Variants in PSD3 observed in about 807,000 individuals in gnomAD.
The protein encoded by PSD3 is pleckstrin and Sec7 domain containing 3, also known as PH and SEC7 domain-containing protein 3.
In PSD3, 49 loss-of-function variants were observed where a neutral mutation model predicts 105.5. That is an observed-to-expected ratio of 0.46 (90% CI 0.37 to 0.59). The LOEUF is 0.59. PSD3 is among the 20% of genes least tolerant of loss of function. The pLI, the probability that PSD3 is intolerant of heterozygous loss-of-function variation, is 0.00. For synonymous variants in PSD3, 557 were observed against 457.8 expected, an observed-to-expected ratio of 1.22 and a Z score of -2.77; for missense variants, 1,561 against 1,263.8, an observed-to-expected ratio of 1.24 and a Z score of -3.57.
chr8:18,629,180 A>T (rs1041306775), intron 11 of PSD3, among the ~76,000 whole-genome samples: 6 of 151,980 alleles, frequency 3.9e-5, no homozygotes, highest in Admixed American at 1.3e-4. Flanking sequence ...CAAAATAAGG[A>T]ATATAACCAG....
intron 3 of PSD3, among the ~76,000 whole-genome samples, chr8:18,870,528 C>T (rs936965287): frequency 2.0e-5 from 3 of 151,954 alleles, no homozygotes; most frequent in Non-Finnish European, 2.9e-5. Flanking sequence ...CGGGCCCTGT[C>T]GGGGTGTTGG....
At chr8:18,930,815 G>T (rs1308290159) in intron 2 of PSD3, among the ~76,000 whole-genome samples, 1 of 151,926 alleles carries the variant, frequency 6.6e-6, no homozygotes, top group Non-Finnish European at 1.5e-5. Context: ...TGATCTGCCC[G>T]ACTTGGCCTC....
At position 18,550,929 on chromosome 8, in the gene PSD3, C is replaced by G. The variant is rs572198453; in HGVS notation, c.2928+5280G>C. On this transcript the variant is annotated intron_variant, in intron 15 of 15. Coordinates refer to ENST00000327040, the MANE Select transcript of PSD3 (RefSeq NM_015310.4). Reference sequence around the variant, plus strand: ...TTTGATTCCACGCTAGACTGACTTACTAAGATTGAGACTTTTGCTACTAAT... The same window carrying G: ...TTTGATTCCACGCTAGACTGACTTAGTAAGATTGAGACTTTTGCTACTAAT... Among the ~76,000 whole-genome samples, 8 of 152,324 alleles carry G rather than the reference C, an allele frequency of 5.3e-5. No individual in the cohort carries two copies. The East Asian group carries it at 1.2e-3, about 22-fold the overall frequency.
intron 13 of PSD3, among the ~76,000 whole-genome samples, chr8:18,573,297 C>T (rs1802263703): frequency 1.3e-5 from 2 of 152,136 alleles, no homozygotes; most frequent in Admixed American, 1.3e-4. Context: ...TGGTGAAACC[C>T]CATCTGTACT....
rs1218994876 is a variant in PSD3 at position 18,804,690 on chromosome 8, G to A, written c.1829+14C>T. On this transcript the variant is annotated intron_variant, in intron 5 of 15. Transcript: ENST00000327040. ...AGGAGAGAATTCAGACTCCAGCAAT[G>A]GGTCAGAACGTACTTCTTGCCAAGG... The A allele has an allele frequency of 1.9e-6, 3 of 1,612,548 alleles. No homozygotes were observed. Among genetic ancestry groups the A allele is most frequent in the African/African-American group, 1.3e-5 (1 of 74,836 alleles).
rs188397933 is a variant in PSD3 at position 18,768,431 on chromosome 8, T to C, written c.2083-2893A>G. Among the ~76,000 whole-genome samples the C allele has an allele frequency of 8.5e-5, 13 of 152,096 alleles. No homozygotes were observed. In the East Asian group the frequency reaches 2.5e-3, roughly 30 times the overall value. ...GACTAGCCTGGGTAACATCCCTCTCTAGAAACAATATGAAAATTAGCTGGG... is the reference window on the plus strand; with the variant it reads ...GACTAGCCTGGGTAACATCCCTCTCCAGAAACAATATGAAAATTAGCTGGG... On this transcript the variant is annotated intron_variant, in intron 8 of 15. Coordinates refer to ENST00000327040, the MANE Select transcript of PSD3 (RefSeq NM_015310.4).
At chr8:18,598,576 A>G (rs1331321349) in intron 12 of PSD3, among the ~76,000 whole-genome samples, 2 of 152,152 alleles carry the variant, frequency 1.3e-5, no homozygotes, top group African/African-American at 2.4e-5. Context: ...GATGCAGGAA[A>G]GCGATGATAT....
chr8:18,704,326 G>A (rs369379397), intron 9 of PSD3, among the ~76,000 whole-genome samples: 16 of 152,224 alleles, frequency 1.1e-4, no homozygotes, highest in African/African-American at 3.4e-4. Flanking sequence ...CTTAAACTCC[G>A]TGTATAAAGG....
At position 18,736,237 on chromosome 8, in the gene PSD3, A is replaced by T. The variant is rs543474207; in HGVS notation, c.2172+29212T>A. Reference sequence around the variant, plus strand: ...ATCCAATCAACACTCTAGCTCTGCCACTTACTGTGAAATTGAAGGCAAGAC... The same window carrying T: ...ATCCAATCAACACTCTAGCTCTGCCTCTTACTGTGAAATTGAAGGCAAGAC... On this transcript the variant is annotated intron_variant, in intron 9 of 15. Coordinates refer to ENST00000327040, the MANE Select transcript of PSD3 (RefSeq NM_015310.4). Among the ~76,000 whole-genome samples, 12 of 152,296 alleles carry T rather than the reference A, an allele frequency of 7.9e-5. No individual in the cohort carries two copies. The South Asian group carries it at 2.5e-3, about 32-fold the overall frequency.
At chr8:18,944,291 C>T (rs1169132639) in intron 1 of PSD3, among the ~76,000 whole-genome samples, 1 of 152,180 alleles carries the variant, frequency 6.6e-6, no homozygotes, top group African/African-American at 2.4e-5. Context: ...TTAAGCCAGC[C>T]AGGCATGGTG....
intron 2 of PSD3, among the ~76,000 whole-genome samples, chr8:18,902,063 T>G (rs1330155106): frequency 2.0e-5 from 3 of 152,232 alleles, no homozygotes; most frequent in African/African-American, 7.2e-5. Context: ...TTGGAGACTT[T>G]TGAGATTCCT....
intron 14 of PSD3, among the ~76,000 whole-genome samples, chr8:18,562,827 T>C (rs1045210793): frequency 9.9e-5 from 15 of 151,880 alleles, no homozygotes; most frequent in Non-Finnish European, 1.5e-5. Flanking sequence ...AGGCGGAGGT[T>C]GCAGGGAGCC....
In PSD3 at chr8:18,533,720, C is replaced by T. The variant is rs1799720831; in HGVS notation, c.*2023G>A. 6.6e-6 allele frequency: 1 copy of T among 152,012 alleles called. No individual in the cohort carries two copies. Among genetic ancestry groups the T allele is most frequent in the African/African-American group, 2.4e-5 (1 of 41,374 alleles). 9.4% of individuals were successfully genotyped at this position (152,012 alleles called of 1,614,324 possible). A position where few individuals can be genotyped will look rare whatever the true frequency, so the allele number is the denominator to read the frequency against. On this transcript the variant is annotated 3_prime_UTR_variant, in exon 16 of 16. Coordinates refer to ENST00000327040, the MANE Select transcript of PSD3 (RefSeq NM_015310.4). ...CCTCGGCTTAGTATAAACATTTAGG[C>T]AGAAAACAAATATCCTGATAATTTA... is the stretch of plus-strand genomic sequence containing the variant.
chr8:18,846,057 T>G (rs920152533), intron 4 of PSD3, among the ~76,000 whole-genome samples: 1 of 152,194 alleles, frequency 6.6e-6, no homozygotes, highest in Non-Finnish European at 1.5e-5. Flanking sequence ...GTATATTAAA[T>G]GCTTATCAAT....
chr8:18,915,785 T>C (rs1379893408), intron 2 of PSD3, among the ~76,000 whole-genome samples: 3 of 152,058 alleles, frequency 2.0e-5, no homozygotes, highest in Non-Finnish European at 2.9e-5. Flanking sequence ...TGGAAAAGTA[T>C]GGAAGTTCCT....
intron 8 of PSD3, among the ~76,000 whole-genome samples, chr8:18,766,439 T>C (rs1309736697): frequency 6.6e-6 from 1 of 152,150 alleles, no homozygotes; most frequent in East Asian, 1.9e-4. Context: ...TAAATATAAA[T>C]AGCAAACTTA....
chr8:18,790,448 TC>T (rs1261524826), intron 8 of PSD3, among the ~76,000 whole-genome samples: 1 of 151,332 alleles, frequency 6.6e-6, no homozygotes, highest in African/African-American at 2.4e-5. Context: ...GACTACAGGC[TC>T]CCGCCACCAT....
chr8:18,659,592 C>T (rs972180102), intron 9 of PSD3, among the ~76,000 whole-genome samples: 1 of 152,198 alleles, frequency 6.6e-6, no homozygotes, highest in African/African-American at 2.4e-5. Context: ...ATATGCCTGG[C>T]CAAAGTCAGA....
chr8:18,743,037 G>A (rs2129435053), intron 9 of PSD3, among the ~76,000 whole-genome samples: 1 of 152,226 alleles, frequency 6.6e-6, no homozygotes, highest in African/African-American at 2.4e-5. Flanking sequence ...TTTAGAAATA[G>A]TTTTCATGGC....
Sources: allele counts gnomAD v4.1 joint callset (sites outside exome capture counted in the v4.1 genomes callset), GRCh38; gene constraint gnomAD v4.1.1; transcripts MANE v1.5; gene names NCBI Gene and HGNC (gene_info 2026-07-23, HGNC 2026-07-21).